PHYHIPL: variants seen among roughly 807,000 people sequenced by gnomAD.
PHYHIPL encodes phytanoyl-CoA hydroxylase-interacting protein-like.
PHYHIPL carries 9 observed loss-of-function variants against 33.4 expected under a neutral mutation model. The observed-to-expected ratio is 0.27, with a 90% CI of 0.16 to 0.47. PHYHIPL has a LOEUF of 0.47. PHYHIPL is among the 20% of genes least tolerant of loss of function. The probability of loss-of-function intolerance (pLI) is 0.99; values close to 1 mark genes in which losing one functional copy is unlikely to be tolerated. For missense variants in PHYHIPL, 365 were observed against 460.7 expected (o/e 0.79, Z 1.90); for synonymous variants, 153 against 154.1 (o/e 0.99, Z 0.05).
chr10:59,214,990 G>T (rs933205857), intron 1 of PHYHIPL, among the ~76,000 whole-genome samples: 1 of 151,890 alleles, frequency 6.6e-6, no homozygotes, highest in Non-Finnish European at 1.5e-5. Flanking sequence ...AGAATTGAGG[G>T]CTGGGTGTTG....
chr10:59,188,344 T>C (rs1327059812), intron 1 of PHYHIPL, among the ~76,000 whole-genome samples: 1 of 152,206 alleles, frequency 6.6e-6, no homozygotes, highest in Non-Finnish European at 1.5e-5. Context: ...TTTGTTATAA[T>C]TTCTGTTCTT....
rs1275420840 is a variant in PHYHIPL at position 59,239,904 on chromosome 10, ATATT to A, written c.596+1202_596+1205del. On this transcript the variant is annotated intron_variant, in intron 4 of 4. Transcript: ENST00000373880. ...AAGTTGACAGGACTATGTATGAAAA[ATATT>A]TAGGAAACTTTGTTGTGTTCTTTGT... Among the ~76,000 whole-genome samples the A allele has an allele frequency of 1.4e-4, 22 of 152,080 alleles. No homozygotes were observed. The East Asian group carries it at 4.2e-3, about 29-fold the overall frequency.
intron 1 of PHYHIPL, among the ~76,000 whole-genome samples, chr10:59,202,097 G>A (rs1589270497): frequency 6.6e-6 from 1 of 152,114 alleles, no homozygotes; most frequent in African/African-American, 2.4e-5. Context: ...TCCAACGAAG[G>A]CTTAGTAGTG....
intron 1 of PHYHIPL, among the ~76,000 whole-genome samples, chr10:59,192,871 C>T (rs898862542): frequency 1.3e-5 from 2 of 151,952 alleles, no homozygotes; most frequent in Admixed American, 6.6e-5. Flanking sequence ...TGAAGACAAG[C>T]GATTACAGTT....
chr10:59,179,014 T>C (rs969920221), intron 1 of PHYHIPL, among the ~76,000 whole-genome samples: 1 of 152,168 alleles, frequency 6.6e-6, no homozygotes, highest in Admixed American at 6.5e-5. Context: ...AAGAGCTAAC[T>C]CTTCTACTAG....
In PHYHIPL at chr10:59,188,271, C is replaced by T. The variant is rs533723068; in HGVS notation, c.106+11312C>T. On this transcript the variant is annotated intron_variant, in intron 1 of 4. Coordinates refer to ENST00000373880, the MANE Select transcript of PHYHIPL (RefSeq NM_032439.4). ...GTTGTTCGTTTTTCATGTAGTTGAG[C>T]GGTTTTGAGTGAGTTTCTTAATCCT... Among the ~76,000 whole-genome samples the T allele has an allele frequency of 2.6e-4, 40 of 152,144 alleles. No homozygotes were observed. In the East Asian group the frequency reaches 2.9e-3, roughly 11 times the overall value.
chr10:59,181,830 G>C (rs1838419474), intron 1 of PHYHIPL, among the ~76,000 whole-genome samples: 1 of 135,550 alleles, frequency 7.4e-6, no homozygotes, highest in African/African-American at 3.5e-5. Context: ...AGTTACTAGA[G>C]CAAGTTACAT....
At chr10:59,173,822 GGGGAACA>G (rs1159995956), upstream of PHYHIPL, among the ~76,000 whole-genome samples, 1 of 151,042 alleles carries the variant, frequency 6.6e-6, no homozygotes, top group Non-Finnish European at 1.5e-5. Flanking sequence ...AACCCACGTT[GGGGAACA>G]GGGATTCTAG....
chr10:59,183,557 C>T, intron 1 of PHYHIPL: 2 of 547,580 alleles, frequency 3.7e-6, no homozygotes, highest in Non-Finnish European at 4.6e-6. Context: ...TGTATCTCAC[C>T]CTTTGAGGGA....
intron 1 of PHYHIPL, among the ~76,000 whole-genome samples, chr10:59,229,384 G>A (rs984216219): frequency 6.6e-6 from 1 of 152,112 alleles, no homozygotes; most frequent in Non-Finnish European, 1.5e-5. Flanking sequence ...TTTCTATTGT[G>A]TAATATGGCC....
upstream of PHYHIPL, among the ~76,000 whole-genome samples, chr10:59,174,214 A>C (rs1838214395): frequency 6.6e-6 from 1 of 152,078 alleles, no homozygotes; most frequent in South Asian, 2.1e-4. Context: ...AACAGTAAAA[A>C]TGTTTCTGGT....
chr10:59,181,228 C>T (rs148379147), intron 1 of PHYHIPL, among the ~76,000 whole-genome samples: 103 of 152,256 alleles, frequency 6.8e-4, no homozygotes, highest in African/African-American at 2.3e-3. Flanking sequence ...ATATTGTCCA[C>T]GTAACTTCTT....
At chr10:59,216,050 T>C (rs1839605309) in intron 1 of PHYHIPL, among the ~76,000 whole-genome samples, 3 of 151,968 alleles carry the variant, frequency 2.0e-5, no homozygotes, top group African/African-American at 7.2e-5. Context: ...GACATCCAAG[T>C]AGGGGTGTTG....
intron 1 of PHYHIPL, among the ~76,000 whole-genome samples, chr10:59,196,660 C>T (rs756530772): frequency 3.3e-5 from 5 of 151,984 alleles, no homozygotes; most frequent in Non-Finnish European, 5.9e-5. Flanking sequence ...CCTTGTGATC[C>T]GTCCGACTTG....
intron 1 of PHYHIPL, among the ~76,000 whole-genome samples, chr10:59,207,646 C>T (rs1386664540): frequency 6.6e-6 from 1 of 152,192 alleles, no homozygotes; most frequent in African/African-American, 2.4e-5. Context: ...AATCCCAGCA[C>T]TTTGGGAGGC....
Position 59,246,351 on chromosome 10 carries a change from A to G in PHYHIPL, c.*760A>G, listed in dbSNP as rs779936654. The stretch of plus-strand genomic sequence containing the variant: ...ATGAAGGACATTATTCTGATTCATA[A>G]AAGTTATAAAATATTAGGTAAATAC... On this transcript the variant is annotated 3_prime_UTR_variant, in exon 5 of 5. Coordinates refer to ENST00000373880, the MANE Select transcript of PHYHIPL (RefSeq NM_032439.4). 19 of 239,358 alleles carry G rather than the reference A, an allele frequency of 7.9e-5. No individual in the cohort carries two copies. Among genetic ancestry groups the G allele is most frequent in the Non-Finnish European group, 1.0e-4 (13 of 125,644 alleles). The allele number at this position is 239,358 out of a possible 1,614,324, so 14.8% of individuals were successfully genotyped here.
At position 59,246,026 on chromosome 10, in the gene PHYHIPL, T is replaced by C. The variant is rs1840669550; in HGVS notation, c.*435T>C. On this transcript the variant is annotated 3_prime_UTR_variant, in exon 5 of 5. Transcript: ENST00000373880. Reference sequence around the variant, plus strand: ...GGGTGTAATTGCAGCATGAGTTAAATCTTGAAGCCTAGAATTGTCAGCACT... The same window carrying C: ...GGGTGTAATTGCAGCATGAGTTAAACCTTGAAGCCTAGAATTGTCAGCACT... 1.3e-5 allele frequency: 2 copies of C among 155,176 alleles called. No individual in the cohort carries two copies. Among genetic ancestry groups the C allele is most frequent in the Non-Finnish European group, 2.9e-5 (2 of 69,838 alleles). The allele number at this position is 155,176 out of a possible 1,614,324, so 9.6% of individuals were successfully genotyped here. A position where few individuals can be genotyped will look rare whatever the true frequency, so the allele number is the denominator to read the frequency against.
chr10:59,245,646 CCT>C lies in PHYHIPL; in HGVS notation c.*58_*59del. The C allele has an allele frequency of 6.7e-7, 1 of 1,492,660 alleles. No homozygotes were observed. The allele number at this position is 1,492,660 out of a possible 1,614,324, so 92.5% of individuals were successfully genotyped here. ...CTTTTCCTCCCTTAGGAGCATTGGT[CCT>C]CTGTTGTCCATTTTTATCACCAGAT... is the stretch of plus-strand genomic sequence containing the variant. On this transcript the variant is annotated 3_prime_UTR_variant, in exon 5 of 5. Transcript: ENST00000373880.
At chr10:59,201,423 C>T (rs900590933) in intron 1 of PHYHIPL, among the ~76,000 whole-genome samples, 11 of 152,110 alleles carry the variant, frequency 7.2e-5, no homozygotes, top group Admixed American at 2.0e-4. Context: ...GTCTGAGAGA[C>T]AATTTGTTAT....
Sources: allele counts gnomAD v4.1 joint callset (sites outside exome capture counted in the v4.1 genomes callset), GRCh38; gene constraint gnomAD v4.1.1; transcripts MANE v1.5; gene names NCBI Gene and HGNC (gene_info 2026-07-23, HGNC 2026-07-21).